The following SP4 variants were observed in gnomAD, a reference collection of about 807,000 sequenced individuals.
The protein encoded by SP4 is transcription factor Sp4.
In SP4, 19 loss-of-function variants were observed where a neutral mutation model predicts 72.8. The ratio of observed to expected loss-of-function variants is 0.26; its 90% CI spans 0.18 to 0.38. SP4 has a LOEUF of 0.38. SP4 is among the 10% of genes least tolerant of loss of function. The pLI is 1.00. For synonymous variants in SP4, 395 were observed against 333.1 expected (o/e 1.19, Z -2.02); for missense variants, 1,008 against 926.3 (o/e 1.09, Z -1.14).
At chr7:21,437,080 A>G (rs935845449) in intron 3 of SP4, among the ~76,000 whole-genome samples, 14 of 152,222 alleles carry the variant, frequency 9.2e-5, no homozygotes, top group African/African-American at 3.4e-4. Context: ...GCTAGTATCA[A>G]TAACTTAAAA....
chr7:21,463,353 A>G (rs1408095105), intron 3 of SP4, among the ~76,000 whole-genome samples: 1 of 152,174 alleles, frequency 6.6e-6, no homozygotes, highest in African/African-American at 2.4e-5. Context: ...GGATGAATGA[A>G]AGGTTACCAA....
chr7:21,499,767 CA>C, intron 5 of SP4, among the ~76,000 whole-genome samples: 1 of 152,268 alleles, frequency 6.6e-6, no homozygotes, highest in East Asian at 1.9e-4. Context: ...GGTATATTAT[CA>C]AATGACAAAC....
At chr7:21,480,151 T>C (rs1784641960) in intron 4 of SP4, among the ~76,000 whole-genome samples, 2 of 152,180 alleles carry the variant, frequency 1.3e-5, no homozygotes, top group African/African-American at 4.8e-5. Context: ...TCTGGTACAA[T>C]GTTGACAGTG....
chr7:21,430,106 T>A lies in SP4; in HGVS notation c.941T>A (p.Met314Lys), dbSNP rs1782786345. ...PTNTTTSAST[M>K]PESPSSSTTC... ...AACACCACTACTTCTGCCAGTACTA[T>A]GCCAGAATCTCCCTCCTCCTCCACT... Residue 314 changes from methionine to lysine, a missense_variant, in exon 3 of 6, where the codon ATG becomes AAG. By Grantham distance (95) the Met-to-Lys change is moderately conservative. Coordinates refer to ENST00000222584, the MANE Select transcript of SP4 (RefSeq NM_003112.5). 3 of 1,614,190 alleles carry A rather than the reference T, an allele frequency of 1.9e-6. No homozygotes were observed.
chr7:21,460,505 A>G (rs1049866310), intron 3 of SP4, among the ~76,000 whole-genome samples: 3 of 152,178 alleles, frequency 2.0e-5, no homozygotes, highest in Non-Finnish European at 4.4e-5. Flanking sequence ...AGCAAGATTT[A>G]TTGCGAAGAG....
intron 5 of SP4, among the ~76,000 whole-genome samples, chr7:21,503,144 A>G (rs1049695705): frequency 1.3e-5 from 2 of 152,112 alleles, no homozygotes; most frequent in Admixed American, 6.5e-5. Flanking sequence ...CCAAGTTACC[A>G]GGCTGAAAGT....
In SP4 at chr7:21,511,224, G is replaced by A. The variant is rs200932303; in HGVS notation, c.2310G>A (p.Ser770=). 1.7e-5 allele frequency: 28 copies of A among 1,614,078 alleles called. No individual in the cohort carries two copies. Among genetic ancestry groups the A allele is most frequent in the East Asian group, 2.2e-5 (1 of 44,876 alleles). Residue 770 remains serine, a synonymous_variant, in exon 6 of 6, where the codon TCG becomes TCA. Transcript: ENST00000222584. ...IVTVAAISQD[S]NPATPNVSTN... is the part of the protein sequence containing the mutation. Reference sequence around the variant, plus strand: ...CAGTTGCAGCCATTTCTCAAGATTCGAATCCAGCAACTCCCAATGTTTCAA... The same window carrying A: ...CAGTTGCAGCCATTTCTCAAGATTCAAATCCAGCAACTCCCAATGTTTCAA...
intron 3 of SP4, among the ~76,000 whole-genome samples, chr7:21,455,379 T>G (rs1438093047): frequency 2.0e-5 from 3 of 149,620 alleles, no homozygotes; most frequent in Admixed American, 6.6e-5. Context: ...AGGATCAAAC[T>G]TTTCCCAGTT....
intron 5 of SP4, among the ~76,000 whole-genome samples, chr7:21,483,865 A>G (rs1451155812): frequency 6.6e-6 from 1 of 151,666 alleles, no homozygotes; most frequent in East Asian, 1.9e-4. Context: ...GTATTTCATT[A>G]TTGAATAAAT....
In SP4 at chr7:21,484,578, T is replaced by C. The variant is rs141902857; in HGVS notation, c.2107+2455T>C. Among the ~76,000 whole-genome samples, 625 of 152,056 alleles carry C rather than the reference T, an allele frequency of 4.1e-3. 2 individuals are homozygous for C. The highest frequency in any genetic ancestry group is 6.9e-3 in the Non-Finnish European group (466 of 67,798). On this transcript the variant is annotated intron_variant, in intron 5 of 5. Coordinates refer to ENST00000222584, the MANE Select transcript of SP4 (RefSeq NM_003112.5). ...ATCTTTCTGTATAGTATATACACCA[T>C]TGACGTTGGCAAATATGATTGATTA...
chr7:21,500,474 C>G (rs777578053), intron 5 of SP4, among the ~76,000 whole-genome samples: 3 of 152,194 alleles, frequency 2.0e-5, no homozygotes, highest in Non-Finnish European at 2.9e-5. Context: ...CTCAGTTTCT[C>G]ACAGAGCCAA....
intron 5 of SP4, among the ~76,000 whole-genome samples, chr7:21,491,478 A>G (rs1784975772): frequency 6.6e-6 from 1 of 152,180 alleles, no homozygotes; most frequent in South Asian, 2.1e-4. Context: ...AGGAAAGGAA[A>G]AATACTGCTG....
intron 5 of SP4, among the ~76,000 whole-genome samples, chr7:21,502,533 G>A (rs1028345340): frequency 6.6e-6 from 1 of 152,068 alleles, no homozygotes; most frequent in Non-Finnish European, 1.5e-5. Flanking sequence ...TTCAGGATCA[G>A]TATTCCATCC....
At position 21,511,694 on chromosome 7, in the gene SP4, A is replaced by G. The variant is rs975924146; in HGVS notation, c.*425A>G. On this transcript the variant is annotated 3_prime_UTR_variant, in exon 6 of 6. Coordinates refer to ENST00000222584, the MANE Select transcript of SP4 (RefSeq NM_003112.5). ...TATTCTTTTTCTCTATAGCACAGAA[A>G]ACAGATAGTTAACTGATGATAGGGA... 30 of 160,400 alleles carry G rather than the reference A, an allele frequency of 1.9e-4. No individual in the cohort carries two copies. Among genetic ancestry groups the G allele is most frequent in the Non-Finnish European group, 3.6e-4 (26 of 72,048 alleles). 9.9% of individuals were successfully genotyped at this position (160,400 alleles called of 1,614,324 possible).
chr7:21,428,372 A>T, intron 1 of SP4, 114 bp downstream of exon 1: 4 of 704,904 alleles, frequency 5.7e-6, no homozygotes, highest in Non-Finnish European at 7.9e-6. Flanking sequence ...CTTTAAGGGG[A>T]GGAGGAGAGG....
At chr7:21,476,425 G>T (rs1784502917) in intron 3 of SP4, among the ~76,000 whole-genome samples, 2 of 152,082 alleles carry the variant, frequency 1.3e-5, no homozygotes, top group South Asian at 4.1e-4. Context: ...TCTGAGTGAT[G>T]AAGTCTAAGC....
chr7:21,442,791 A>G (rs1783302797), intron 3 of SP4, among the ~76,000 whole-genome samples: 1 of 152,226 alleles, frequency 6.6e-6, no homozygotes, highest in African/African-American at 2.4e-5. Context: ...GCTAGAGTGC[A>G]GTGGCACGAT....
At chr7:21,439,463 T>G (rs531919215) in intron 3 of SP4, among the ~76,000 whole-genome samples, 1 of 152,242 alleles carries the variant, frequency 6.6e-6, no homozygotes, top group Non-Finnish European at 1.5e-5. Flanking sequence ...CTGTACCCAT[T>G]AAGTAATTTC....
chr7:21,429,263 C>T (rs759354571), intron 2 of SP4, 26 bp from the exon 3 acceptor site: 38 of 1,203,134 alleles, frequency 3.2e-5, no homozygotes, highest in Non-Finnish European at 4.1e-5. Context: ...CCCCCCCCCT[C>T]TCCTTTACCG....
Sources: allele counts gnomAD v4.1 joint callset (sites outside exome capture counted in the v4.1 genomes callset), GRCh38; gene constraint gnomAD v4.1.1; transcripts MANE v1.5; gene names NCBI Gene and HGNC (gene_info 2026-07-23, HGNC 2026-07-21).